Variants in PDE4D observed in about 807,000 individuals in gnomAD.
The protein encoded by PDE4D is 3',5'-cyclic-AMP phosphodiesterase 4D.
PDE4D carries 24 observed loss-of-function variants against 87.4 expected under a neutral mutation model. The observed-to-expected ratio is 0.27, with a 90% CI of 0.20 to 0.39. The LOEUF is 0.39. PDE4D is among the 10% of genes least tolerant of loss of function. The probability of loss-of-function intolerance (pLI) is 1.00; values close to 1 mark genes in which losing one functional copy is unlikely to be tolerated. For synonymous variants in PDE4D, 384 were observed against 383.2 expected, an observed-to-expected ratio of 1.00 and a Z score of -0.02; for missense variants, 714 against 1,041.0, an observed-to-expected ratio of 0.69 and a Z score of 4.32.
intron 1 of PDE4D, among the ~76,000 whole-genome samples, chr5:59,304,621 G>A (rs372627752): frequency 6.6e-6 from 1 of 152,050 alleles, no homozygotes; most frequent in Non-Finnish European, 1.5e-5. Context: ...GCTGGATTTT[G>A]TTGAATGCTT....
At chr5:59,190,722 T>C (rs183039210) in intron 3 of PDE4D, among the ~76,000 whole-genome samples, 2 of 152,190 alleles carry the variant, frequency 1.3e-5, no homozygotes, top group Non-Finnish European at 2.9e-5. Flanking sequence ...ATGCCAATCA[T>C]GTCCAACAGG....
chr5:59,482,691 A>C lies in PDE4D; in HGVS notation c.456-266723T>G, dbSNP rs565437813. Among the ~76,000 whole-genome samples, 326 of 152,256 alleles carry C rather than the reference A, an allele frequency of 2.1e-3. 2 individuals carry two copies. Among genetic ancestry groups the C allele is most frequent in the Non-Finnish European group, 4.0e-3 (270 of 68,010 alleles). ...ACACATCATTATCATAACAGGGCAA[A>C]ATTTTTTGATTCTTGCTTAATGGTC... is the stretch of plus-strand genomic sequence containing the variant. On this transcript the variant is annotated intron_variant, in intron 1 of 14. Transcript: ENST00000340635.
At chr5:60,071,104 T>C (rs1772667314) in intron 2 of PDE4D, among the ~76,000 whole-genome samples, 1 of 151,988 alleles carries the variant, frequency 6.6e-6, no homozygotes, top group Admixed American at 6.6e-5. Flanking sequence ...GTTTTACCAA[T>C]TTAGTTTATA....
At position 59,390,524 on chromosome 5, in the gene PDE4D, A is replaced by G. The variant is rs557311148; in HGVS notation, c.456-174556T>C. Reference sequence around the variant, plus strand: ...GCACAGTGGATTTATAAACAAAGAAACAAAAGGTGTTAAAGTATAAAGAGC... The same window carrying G: ...GCACAGTGGATTTATAAACAAAGAAGCAAAAGGTGTTAAAGTATAAAGAGC... On this transcript the variant is annotated intron_variant, in intron 1 of 14. Coordinates refer to ENST00000340635, the MANE Select transcript of PDE4D (RefSeq NM_001104631.2). Among the ~76,000 whole-genome samples, 459 of 152,302 alleles carry G rather than the reference A, an allele frequency of 3.0e-3. 3 individuals carry two copies. The highest frequency in any genetic ancestry group is 5.0e-3 in the Non-Finnish European group (342 of 68,010).
intron 1 of PDE4D, among the ~76,000 whole-genome samples, chr5:59,488,502 G>A (rs1010428042): frequency 6.6e-6 from 1 of 152,100 alleles, no homozygotes; most frequent in Non-Finnish European, 1.5e-5. Context: ...GCTCTGTATT[G>A]TGGTTCTTTT....
chr5:58,990,985 T>A, intron 8 of PDE4D, 83 bp from the exon 9 acceptor site: 1 of 827,568 alleles, frequency 1.2e-6, no homozygotes, highest in Non-Finnish European at 1.9e-6. Context: ...ATTTAAAAAT[T>A]ACAGACCTTA....
chr5:59,864,611 C>T (rs186818392), intron 1 of PDE4D, among the ~76,000 whole-genome samples: 2 of 152,132 alleles, frequency 1.3e-5, no homozygotes, highest in Non-Finnish European at 2.9e-5. Flanking sequence ...GAATGCCTGA[C>T]GTGTGCCTAT....
At chr5:59,052,330 T>A (rs1761677664) in intron 5 of PDE4D, among the ~76,000 whole-genome samples, 1 of 152,122 alleles carries the variant, frequency 6.6e-6, no homozygotes, top group Admixed American at 6.5e-5. Context: ...GTGTAGGAAA[T>A]GTCTGCAGCC....
chr5:59,583,255 C>T (rs1014531746), intron 1 of PDE4D, among the ~76,000 whole-genome samples: 5 of 152,120 alleles, frequency 3.3e-5, no homozygotes, highest in African/African-American at 1.2e-4. Flanking sequence ...TCATGTTAGA[C>T]CCTGGCATGT....
intron 2 of PDE4D, among the ~76,000 whole-genome samples, chr5:59,200,042 C>T (rs28430839): frequency 1.5e-4 from 16 of 105,754 alleles, no homozygotes; most frequent in South Asian, 3.0e-4. Context: ...TGCACACACA[C>T]GTATGTACAC....
intron 1 of PDE4D, among the ~76,000 whole-genome samples, chr5:59,228,069 G>GC (rs1256791885): frequency 1.3e-5 from 2 of 152,162 alleles, no homozygotes; most frequent in Non-Finnish European, 2.9e-5. Context: ...AAACTATGCA[G>GC]CCATAAAAAG....
At chr5:59,550,167 C>T (rs1269242609) in intron 1 of PDE4D, among the ~76,000 whole-genome samples, 4 of 151,372 alleles carry the variant, frequency 2.6e-5, no homozygotes, top group African/African-American at 7.3e-5. Context: ...TTTATTTTTT[C>T]ATTTAACATA....
intron 1 of PDE4D, among the ~76,000 whole-genome samples, chr5:59,699,971 C>T (rs1752329135): frequency 6.6e-6 from 1 of 152,124 alleles, no homozygotes. Context: ...CAGACAGCCT[C>T]AGGCAGGATC....
intron 1 of PDE4D, among the ~76,000 whole-genome samples, chr5:59,745,829 T>C (rs770210261): frequency 6.6e-5 from 10 of 152,184 alleles, no homozygotes; most frequent in African/African-American, 1.2e-4. Flanking sequence ...TCGTATTTCC[T>C]AATAACTGCC....
chr5:59,090,909 G>A (rs1768612775), intron 5 of PDE4D, among the ~76,000 whole-genome samples: 1 of 145,328 alleles, frequency 6.9e-6, no homozygotes, highest in Admixed American at 7.1e-5. Context: ...ATTAATGGAT[G>A]AATTCGCCTC....
chr5:59,407,417 AT>A (rs1182770233), intron 1 of PDE4D, among the ~76,000 whole-genome samples: 31 of 152,166 alleles, frequency 2.0e-4, no homozygotes, highest in African/African-American at 7.5e-4. Flanking sequence ...AGTCTCAGAT[AT>A]TTCTTTATTG....
intron 1 of PDE4D, among the ~76,000 whole-genome samples, chr5:60,211,066 T>C (rs1743154489): frequency 6.6e-6 from 1 of 152,182 alleles, no homozygotes; most frequent in Admixed American, 6.5e-5. Flanking sequence ...AGCCGCTTTC[T>C]CTCCACCTGG....
chr5:59,018,713 A>C (rs1421445054), intron 6 of PDE4D, among the ~76,000 whole-genome samples: 1 of 152,184 alleles, frequency 6.6e-6, no homozygotes, highest in Non-Finnish European at 1.5e-5. Flanking sequence ...AGGTTCTAAT[A>C]ATTCACAAAA....
intron 5 of PDE4D, among the ~76,000 whole-genome samples, chr5:59,105,370 C>T (rs915929313): frequency 1.3e-5 from 2 of 152,214 alleles, no homozygotes; most frequent in Middle Eastern, 3.4e-3. Flanking sequence ...CAGCCTCTCC[C>T]TTTAAATGTT....
Sources: gnomAD v4.1 joint callset for allele counts (sites outside exome capture counted in the v4.1 genomes callset) on GRCh38, gnomAD v4.1.1 for gene constraint, MANE v1.5 for transcripts, NCBI Gene and HGNC (gene_info 2026-07-23, HGNC 2026-07-21) for gene names.